INPP4B: variants seen among roughly 807,000 people sequenced by gnomAD.
The protein encoded by INPP4B is inositol polyphosphate 4-phosphatase type II.
In INPP4B, 55 loss-of-function variants were observed where a neutral mutation model predicts 122.5. That is an observed-to-expected ratio of 0.45 (90% CI 0.36 to 0.56). INPP4B has a LOEUF of 0.56. Ranked by LOEUF, INPP4B falls within the 20% of genes least tolerant of loss-of-function variation. The pLI, the probability that INPP4B is intolerant of heterozygous loss-of-function variation, is 0.00. For synonymous variants in INPP4B, 403 were observed against 388.7 expected (o/e 1.04, Z -0.43); for missense variants, 1,000 against 1,097.7 (o/e 0.91, Z 1.26).
intron 2 of INPP4B, among the ~76,000 whole-genome samples, chr4:142,492,504 C>T (rs1249164486): frequency 6.6e-6 from 1 of 152,044 alleles, no homozygotes; most frequent in Non-Finnish European, 1.5e-5. Flanking sequence ...ATGGCTTTGA[C>T]CAAAATGCGA....
chr4:142,310,108 C>T (rs1764908748), intron 8 of INPP4B, among the ~76,000 whole-genome samples: 1 of 152,030 alleles, frequency 6.6e-6, no homozygotes, highest in Non-Finnish European at 1.5e-5. Flanking sequence ...CTCACAAAGC[C>T]TGTATTCAAA....
At chr4:142,063,474 C>A (rs1252073589) in intron 25 of INPP4B, among the ~76,000 whole-genome samples, 1 of 152,228 alleles carries the variant, frequency 6.6e-6, no homozygotes, top group African/African-American at 2.4e-5. Flanking sequence ...TTTTCCTTGA[C>A]TGTGATAAAT....
intron 1 of INPP4B, among the ~76,000 whole-genome samples, chr4:142,741,535 C>T (rs974188842): frequency 3.3e-5 from 5 of 151,870 alleles, no homozygotes; most frequent in Admixed American, 2.6e-4. Flanking sequence ...AAACCATTTA[C>T]AGAAACTAAA....
chr4:142,216,175 A>T (rs1195891301), intron 12 of INPP4B, among the ~76,000 whole-genome samples: 1 of 151,958 alleles, frequency 6.6e-6, no homozygotes, highest in Non-Finnish European at 1.5e-5. Flanking sequence ...TGGAAAATCC[A>T]CCCCCTTGCT....
intron 9 of INPP4B, among the ~76,000 whole-genome samples, chr4:142,273,386 T>TATA (rs1746843197): frequency 6.6e-6 from 1 of 151,932 alleles, no homozygotes; most frequent in Non-Finnish European, 1.5e-5. Flanking sequence ...CTATAAGGTC[T>TATA]CATGGCATAT....
chr4:142,664,134 G>C (rs987374046), intron 2 of INPP4B, among the ~76,000 whole-genome samples: 11 of 152,042 alleles, frequency 7.2e-5, no homozygotes, highest in African/African-American at 2.7e-4. Flanking sequence ...GCTTCAGTTT[G>C]GGCCCAATTA....
chr4:142,085,242 T>C (rs1776188789), intron 24 of INPP4B, among the ~76,000 whole-genome samples: 2 of 152,202 alleles, frequency 1.3e-5, no homozygotes, highest in Admixed American at 1.3e-4. Context: ...GTAAGTGATA[T>C]TGAATTATAA....
At chr4:142,395,977 TACA>T (rs1201008317) in intron 7 of INPP4B, among the ~76,000 whole-genome samples, 2 of 152,152 alleles carry the variant, frequency 1.3e-5, no homozygotes, top group Admixed American at 6.5e-5. Flanking sequence ...AGAGCTGCTA[TACA>T]ACATTATCCC....
intron 2 of INPP4B, among the ~76,000 whole-genome samples, chr4:142,701,905 G>T (rs960084066): frequency 6.6e-6 from 1 of 152,102 alleles, no homozygotes; most frequent in African/African-American, 2.4e-5. Context: ...TAGATATTTT[G>T]ATGTCTACTA....
chr4:142,424,356 G>T (rs1313463008), intron 5 of INPP4B, among the ~76,000 whole-genome samples: 1 of 151,876 alleles, frequency 6.6e-6, no homozygotes, highest in African/African-American at 2.4e-5. Flanking sequence ...TTCTTCTTCA[G>T]TGCATTCAGG....
chr4:142,244,891 T>C (rs1467121266), intron 11 of INPP4B, among the ~76,000 whole-genome samples: 1 of 152,144 alleles, frequency 6.6e-6, no homozygotes, highest in Non-Finnish European at 1.5e-5. Context: ...CCAGCATCTG[T>C]TTCCTAACTT....
At chr4:142,329,610 A>T (rs985706894) in intron 7 of INPP4B, among the ~76,000 whole-genome samples, 1 of 152,218 alleles carries the variant, frequency 6.6e-6, no homozygotes, top group African/African-American at 2.4e-5. Context: ...ATTTATCATC[A>T]TTCCTCTACT....
intron 7 of INPP4B, among the ~76,000 whole-genome samples, chr4:142,322,519 C>T (rs1171529345): frequency 1.3e-5 from 2 of 152,104 alleles, no homozygotes; most frequent in Non-Finnish European, 1.5e-5. Context: ...AATGGAATCA[C>T]ATTTCTAGTC....
intron 2 of INPP4B, among the ~76,000 whole-genome samples, chr4:142,586,805 T>A (rs984206999): frequency 1.2e-4 from 18 of 152,062 alleles, no homozygotes; most frequent in African/African-American, 4.3e-4. Flanking sequence ...TTCTGAGGAG[T>A]GATATTTAGG....
At chr4:142,640,825 T>C (rs1172535310) in intron 2 of INPP4B, among the ~76,000 whole-genome samples, 1 of 151,914 alleles carries the variant, frequency 6.6e-6, no homozygotes, top group Non-Finnish European at 1.5e-5. Context: ...GAAAAAGTAC[T>C]CAAGCTCATT....
intron 21 of INPP4B, among the ~76,000 whole-genome samples, chr4:142,118,975 A>G (rs1373935660): frequency 6.6e-6 from 1 of 152,232 alleles, no homozygotes; most frequent in African/African-American, 2.4e-5. Flanking sequence ...CCCATCAAAA[A>G]GTGGGCAAAG....
chr4:142,456,629 C>G (rs1815483979), intron 3 of INPP4B, among the ~76,000 whole-genome samples: 1 of 152,102 alleles, frequency 6.6e-6, no homozygotes, highest in African/African-American at 2.4e-5. Context: ...AAATTTCATT[C>G]AGTTTTGTTC....
At chr4:142,678,313 G>C (rs1009855722) in intron 2 of INPP4B, among the ~76,000 whole-genome samples, 1 of 151,866 alleles carries the variant, frequency 6.6e-6, no homozygotes, top group East Asian at 1.9e-4. Context: ...ATCCTATTTT[G>C]CTAGAATAAA....
At chr4:142,803,187 G>A (rs12711404) in intron 1 of INPP4B, among the ~76,000 whole-genome samples, 9,917 of 138,276 alleles carry the variant, frequency 0.072, 452 homozygotes, top group African/African-American at 0.14. Flanking sequence ...AAAAAAAAAA[G>A]AAAGAAAGAA....
Sources: gnomAD v4.1 joint callset for allele counts (sites outside exome capture counted in the v4.1 genomes callset) on GRCh38, gnomAD v4.1.1 for gene constraint, MANE v1.5 for transcripts, NCBI Gene and HGNC (gene_info 2026-07-23, HGNC 2026-07-21) for gene names.